GPHN: variants seen among roughly 807,000 people sequenced by gnomAD.
The protein encoded by GPHN is gephyrin.
A neutral mutation model predicts 95.5 loss-of-function variants in GPHN; 17 were observed. The ratio of observed to expected loss-of-function variants is 0.18; its 90% CI spans 0.12 to 0.27. GPHN has a LOEUF of 0.27. GPHN is among the 10% of genes least tolerant of loss of function. The pLI is 1.00. For synonymous variants in GPHN, 320 were observed against 322.5 expected (o/e 0.99, Z 0.08); for missense variants, 660 against 978.1 (o/e 0.67, Z 4.34).
chr14:66,509,621 G>C (rs1344693183), intron 1 of GPHN, among the ~76,000 whole-genome samples: 1 of 152,164 alleles, frequency 6.6e-6, no homozygotes, highest in East Asian at 1.9e-4. Context: ...ATTGAGTGGC[G>C]AGACGGGGGT....
chr14:67,334,773 G>T, the GPHN span: 1 of 152,170 alleles, frequency 6.6e-6, no homozygotes, highest in African/African-American at 2.4e-5. Context: ...AGGTCACACC[G>T]ATTTTTAGCA....
the GPHN span, chr14:67,332,963 CAT>C: frequency 3.3e-5 from 53 of 1,597,318 alleles, no homozygotes; most frequent in Non-Finnish European, 4.4e-5. Context: ...GTGAAAGAAA[CAT>C]CCATTCTGTG....
At chr14:66,602,536 C>T (rs373323217) in intron 1 of GPHN, among the ~76,000 whole-genome samples, 16 of 151,996 alleles carry the variant, frequency 1.1e-4, no homozygotes, top group East Asian at 7.7e-4. Context: ...AATGTGAATA[C>T]GAATTTTGTT....
chr14:66,681,037 T>C (rs1349391155), intron 1 of GPHN, 70 bp from the exon 2 acceptor site: 2 of 863,390 alleles, frequency 2.3e-6, no homozygotes. Context: ...AAATGTCTTT[T>C]GGTCAGCAAT....
At chr14:67,504,150 A>T in the GPHN span, among the ~76,000 whole-genome samples, 2 of 152,018 alleles carry the variant, frequency 1.3e-5, no homozygotes, top group Non-Finnish European at 2.9e-5. Flanking sequence ...AGTAGCTGGG[A>T]TTACAGGCGC....
At chr14:67,571,929 G>C in the GPHN span, 26 of 1,585,780 alleles carry the variant, frequency 1.6e-5, no homozygotes, top group Non-Finnish European at 2.0e-5. Flanking sequence ...CAGGGGCAGG[G>C]TGCAGCAGCA....
At chr14:66,731,438 G>A (rs1270913001) in intron 2 of GPHN, among the ~76,000 whole-genome samples, 2 of 152,228 alleles carry the variant, frequency 1.3e-5, no homozygotes, top group Non-Finnish European at 2.9e-5. Context: ...GGTGATCTCA[G>A]ATGGAGATGA....
chr14:67,365,776 A>T, the GPHN span, among the ~76,000 whole-genome samples: 1 of 152,008 alleles, frequency 6.6e-6, no homozygotes, highest in Non-Finnish European at 1.5e-5. Context: ...GATTCAACTT[A>T]CCCTTCTGAA....
At chr14:67,128,221 A>T (rs947361312) in intron 17 of GPHN, among the ~76,000 whole-genome samples, 1 of 151,748 alleles carries the variant, frequency 6.6e-6, no homozygotes, top group African/African-American at 2.4e-5. Context: ...GCACAAATTT[A>T]TGTGAGTTTA....
At chr14:67,654,321 GC>G in the GPHN span, among the ~76,000 whole-genome samples, 4 of 588 alleles carry the variant, frequency 6.8e-3, no homozygotes, top group Admixed American at 0.065. Flanking sequence ...ATGAGGTCTC[GC>G]TCTAGAGATG....
At chr14:67,578,509 C>G in the GPHN span, 6 of 1,529,860 alleles carry the variant, frequency 3.9e-6, no homozygotes, top group Admixed American at 8.7e-5. This position sits in a 1 kb window ranked among gnomAD's most constrained non-coding sequence, Gnocchi z 5.0. Context: ...CAGCACTCAC[C>G]CCACGCTGTC....
At chr14:66,563,739 G>A (rs1566611557) in intron 1 of GPHN, among the ~76,000 whole-genome samples, 1 of 152,038 alleles carries the variant, frequency 6.6e-6, no homozygotes, top group South Asian at 2.1e-4. Flanking sequence ...TAAAACTTAG[G>A]CCTCATGGCT....
chr14:66,638,452 AACG>A (rs1350623437), intron 1 of GPHN, among the ~76,000 whole-genome samples: 1 of 152,086 alleles, frequency 6.6e-6, no homozygotes, highest in Admixed American at 6.6e-5. Context: ...CAAGAACAAC[AACG>A]ACAACAACAA....
At chr14:67,535,166 T>C in the GPHN span, among the ~76,000 whole-genome samples, 1 of 152,188 alleles carries the variant, frequency 6.6e-6, no homozygotes, top group Non-Finnish European at 1.5e-5. Flanking sequence ...TATGAATGCC[T>C]GTAGATGCTC....
At chr14:67,681,152 G>A in the GPHN span, among the ~76,000 whole-genome samples, 1 of 152,178 alleles carries the variant, frequency 6.6e-6, no homozygotes, top group South Asian at 2.1e-4. Context: ...ATAAAAAGAG[G>A]AAGAGACACC....
chr14:67,104,612 A>T (rs1226523974), intron 13 of GPHN, among the ~76,000 whole-genome samples: 1 of 152,106 alleles, frequency 6.6e-6, no homozygotes, highest in East Asian at 1.9e-4. Context: ...GAATTTACTC[A>T]CTTCTGCTAG....
intron 1 of GPHN, among the ~76,000 whole-genome samples, chr14:66,582,776 G>C (rs1382658393): frequency 3.9e-5 from 6 of 152,086 alleles, no homozygotes; most frequent in Non-Finnish European, 8.8e-5. Context: ...TCTTAATCCA[G>C]TCTATCATTG....
chr14:66,668,387 G>A (rs1227991499), intron 1 of GPHN, among the ~76,000 whole-genome samples: 1 of 152,114 alleles, frequency 6.6e-6, no homozygotes, highest in Non-Finnish European at 1.5e-5. Flanking sequence ...CAACCCAAGT[G>A]CCCATCAATG....
chr14:67,320,953 T>C, the GPHN span: 5 of 905,548 alleles, frequency 5.5e-6, no homozygotes, highest in Non-Finnish European at 8.7e-6. Flanking sequence ...TTTATTATTT[T>C]ATAATCTGTG....
Sources: gnomAD v4.1 joint callset for allele counts (sites outside exome capture counted in the v4.1 genomes callset) on GRCh38, gnomAD v4.1.1 for gene constraint, Gnocchi (gnomAD v3.1) non-coding constraint, MANE v1.5 for transcripts, NCBI Gene and HGNC (gene_info 2026-07-23, HGNC 2026-07-21) for gene names.